PXDC1: variants seen among roughly 807,000 people sequenced by gnomAD.
PXDC1 encodes PX domain containing 1, also known as PX domain-containing protein 1.
In PXDC1, 13 loss-of-function variants were observed where a neutral mutation model predicts 24.4. That is an observed-to-expected ratio of 0.53 (90% CI 0.35 to 0.85). The LOEUF is 0.85. Ranked by LOEUF, PXDC1 falls within the 40% of genes least tolerant of loss-of-function variation. The pLI is 0.01. For synonymous variants in PXDC1, 162 were observed against 124.9 expected (o/e 1.30, Z -1.98); for missense variants, 344 against 309.3 (o/e 1.11, Z -0.84).
rs949289809 is a variant in PXDC1, at chr6:3,722,757, G to A, written c.*862C>T. 3.0e-4 allele frequency: 46 copies of A among 152,592 alleles called. No individual in the cohort carries two copies. The highest frequency in any genetic ancestry group is 8.9e-4 in the African/African-American group (37 of 41,440). The allele number at this position is 152,592 out of a possible 1,614,324, so 9.5% of individuals were successfully genotyped here. A position where few individuals can be genotyped will look rare whatever the true frequency, so the allele number is the denominator to read the frequency against. On this transcript the variant is annotated 3_prime_UTR_variant, in exon 5 of 5. Coordinates refer to ENST00000380283, the MANE Select transcript of PXDC1 (RefSeq NM_183373.4). ...CACTGAGCAGAGAAGCTTGAAGAAC[G>A]GGGATCCTCTCCTGTGGGCAGGGGA...
intron 3 of PXDC1, among the ~76,000 whole-genome samples, chr6:3,731,333 G>A (rs541027750): frequency 9.2e-5 from 14 of 152,230 alleles, no homozygotes; most frequent in African/African-American, 3.1e-4. Context: ...AAAAAAGAAC[G>A]GAAGAAAATG....
intron 4 of PXDC1, 33 bp downstream of exon 4, chr6:3,727,518 T>G: frequency 1.4e-6 from 2 of 1,468,026 alleles, no homozygotes; most frequent in Non-Finnish European, 1.9e-6. Context: ...CTCAGGACAG[T>G]CTATGAAACG....
intron 1 of PXDC1, among the ~76,000 whole-genome samples, chr6:3,748,575 G>C (rs1432741208): frequency 6.6e-6 from 1 of 152,140 alleles, no homozygotes; most frequent in Non-Finnish European, 1.5e-5. Flanking sequence ...TGTGTGTGCA[G>C]AGAGAGAAAA....
intron 4 of PXDC1, among the ~76,000 whole-genome samples, chr6:3,726,735 G>A (rs926129660): frequency 2.0e-5 from 3 of 152,218 alleles, no homozygotes; most frequent in Admixed American, 6.5e-5. Flanking sequence ...GGCAAGACCC[G>A]GGCCATCCCC....
rs1760401031 is a variant in PXDC1, at chr6:3,739,225, T to C, written c.257-1077A>G. 10 of 900,932 alleles carry C rather than the reference T, an allele frequency of 1.1e-5. No individual in the cohort carries two copies. In the South Asian group the frequency reaches 3.0e-4, roughly 27 times the overall value. 55.8% of individuals were successfully genotyped at this position (900,932 alleles called of 1,614,324 possible). A position where few individuals can be genotyped will look rare whatever the true frequency, so the allele number is the denominator to read the frequency against. On this transcript the variant is annotated intron_variant, in intron 1 of 4. Transcript: ENST00000380283. ...ACTGAAATTAAGAGGTCCCAGAGCATACAGTCCATGAAAACTCCCACCAGG... is the reference window on the plus strand; with the variant it reads ...ACTGAAATTAAGAGGTCCCAGAGCACACAGTCCATGAAAACTCCCACCAGG...
intron 1 of PXDC1, 144 bp from the exon 2 acceptor site, chr6:3,738,292 T>C: frequency 1.5e-6 from 1 of 666,810 alleles, no homozygotes; most frequent in Non-Finnish European, 2.7e-6. Context: ...CTTATGCACC[T>C]ATAGCCGCTT....
At chr6:3,726,758 T>C (rs1760077516) in intron 4 of PXDC1, among the ~76,000 whole-genome samples, 1 of 152,226 alleles carries the variant, frequency 6.6e-6, no homozygotes, top group African/African-American at 2.4e-5. Flanking sequence ...GCTATGTCAT[T>C]CCTGGGCCCA....
chr6:3,746,588 G>C (rs1321023862), intron 1 of PXDC1, among the ~76,000 whole-genome samples: 6 of 152,270 alleles, frequency 3.9e-5, no homozygotes, highest in Non-Finnish European at 2.9e-5. Flanking sequence ...AGCTATGGTT[G>C]AAGGCAAAGG....
intron 1 of PXDC1, among the ~76,000 whole-genome samples, chr6:3,746,522 A>G (rs1164993999): frequency 6.6e-6 from 1 of 152,136 alleles, no homozygotes; most frequent in East Asian, 1.9e-4. Flanking sequence ...CCTGAGAAGT[A>G]AAGCTGCCCC....
intron 3 of PXDC1, among the ~76,000 whole-genome samples, chr6:3,733,579 C>T (rs751097066): frequency 1.3e-5 from 2 of 152,082 alleles, no homozygotes; most frequent in Middle Eastern, 3.4e-3. Flanking sequence ...ACTCGGTGAC[C>T]GGCAGAGAAG....
intron 1 of PXDC1, among the ~76,000 whole-genome samples, chr6:3,748,989 C>T (rs897051042): frequency 1.2e-4 from 19 of 152,164 alleles, no homozygotes; most frequent in South Asian, 6.2e-4. Context: ...GTGCAATCTG[C>T]TTTTACATTA....
At chr6:3,741,677 T>C (rs535584062) in intron 1 of PXDC1, among the ~76,000 whole-genome samples, 2 of 152,334 alleles carry the variant, frequency 1.3e-5, no homozygotes, top group East Asian at 3.9e-4. Flanking sequence ...TGGGCTGCTG[T>C]TGCTCCAGCT....
At chr6:3,732,460 A>T (rs1760221262) in intron 3 of PXDC1, among the ~76,000 whole-genome samples, 1 of 152,232 alleles carries the variant, frequency 6.6e-6, no homozygotes, top group Non-Finnish European at 1.5e-5. Flanking sequence ...CTTAAACCTG[A>T]ATGGTCAGAT....
intron 1 of PXDC1, among the ~76,000 whole-genome samples, chr6:3,746,333 C>T (rs955042954): frequency 5.9e-5 from 9 of 151,944 alleles, no homozygotes; most frequent in Admixed American, 2.0e-4. Context: ...GCAGAGTGGG[C>T]GGCGGGGTTT....
At chr6:3,745,179 G>A (rs1443340466) in intron 1 of PXDC1, among the ~76,000 whole-genome samples, 1 of 152,206 alleles carries the variant, frequency 6.6e-6, no homozygotes, top group African/African-American at 2.4e-5. Context: ...CCAGGGCAGG[G>A]GTATTCTCCC....
At position 3,723,539 on chromosome 6, in the gene PXDC1, G is replaced by A. The variant is rs953444757; in HGVS notation, c.*80C>T. 9.9e-6 allele frequency: 11 copies of A among 1,116,466 alleles called. No homozygotes were observed. The African/African-American group carries it at 1.4e-4, about 14-fold the overall frequency. 69.2% of individuals were successfully genotyped at this position (1,116,466 alleles called of 1,614,324 possible). ...GAGTTCCAGAGCTGGGGCAGCAGCTGTGACCATGGGGGCCAGCACAGTGGA... is the reference window on the plus strand; with the variant it reads ...GAGTTCCAGAGCTGGGGCAGCAGCTATGACCATGGGGGCCAGCACAGTGGA... On this transcript the variant is annotated 3_prime_UTR_variant, in exon 5 of 5. Coordinates refer to ENST00000380283, the MANE Select transcript of PXDC1 (RefSeq NM_183373.4).
chr6:3,733,323 G>A (rs1329567766), intron 3 of PXDC1, among the ~76,000 whole-genome samples: 1 of 152,196 alleles, frequency 6.6e-6, no homozygotes, highest in Non-Finnish European at 1.5e-5. Flanking sequence ...CCAAGACTGA[G>A]AACATGGTGT....
intron 3 of PXDC1, among the ~76,000 whole-genome samples, chr6:3,730,588 ATCT>A (rs1025221183): frequency 8.6e-5 from 13 of 151,880 alleles, no homozygotes; most frequent in Admixed American, 1.3e-4. Flanking sequence ...GTTTAAGGAG[ATCT>A]TCTTGCTAAG....
In PXDC1 at chr6:3,737,915, TGGTACTACCA is replaced by T; in HGVS notation, c.348+132_348+141del. ...ACACCTCCACTCCGTCCCTATCGCC[TGGTACTACCA>T]GGGAGGGAACAAAACGGCTAAGTGA... On this transcript the variant is annotated intron_variant, in intron 2 of 4. Coordinates refer to ENST00000380283, the MANE Select transcript of PXDC1 (RefSeq NM_183373.4). This position sits in a 1 kb window ranked among gnomAD's most constrained non-coding sequence, Gnocchi z 5.5. The T allele has an allele frequency of 1.3e-6, 1 of 752,440 alleles. No individual in the cohort carries two copies. The highest frequency in any genetic ancestry group is 2.2e-6 in the Non-Finnish European group (1 of 453,390). 46.6% of individuals were successfully genotyped at this position (752,440 alleles called of 1,614,324 possible). A position where few individuals can be genotyped will look rare whatever the true frequency, so the allele number is the denominator to read the frequency against.
Sources: allele counts gnomAD v4.1 joint callset (sites outside exome capture counted in the v4.1 genomes callset), GRCh38; gene constraint gnomAD v4.1.1; non-coding constraint Gnocchi (gnomAD v3.1); transcripts MANE v1.5; gene names NCBI Gene and HGNC (gene_info 2026-07-23, HGNC 2026-07-21).